Variants in XPO4 observed in about 807,000 individuals in gnomAD.
The protein encoded by XPO4 is exportin 4.
Under a neutral mutation model 143.0 loss-of-function variants are expected in XPO4, and 39 were observed. That is an observed-to-expected ratio of 0.27 (90% CI 0.21 to 0.36). The LOEUF (loss-of-function observed/expected upper bound fraction) is 0.36, where lower values mean the gene tolerates loss of function less well. Among genes scored for constraint, XPO4 ranks in the 10% least tolerant of loss-of-function variants. The probability of loss-of-function intolerance (pLI) is 1.00; values close to 1 mark genes in which losing one functional copy is unlikely to be tolerated. For missense variants in XPO4, 907 were observed against 1,348.0 expected (o/e 0.67, Z 5.12); for synonymous variants, 439 against 474.0 (o/e 0.93, Z 0.96).
At position 20,892,895 on chromosome 13, in the gene XPO4, A is replaced by AT. The variant is rs565367914; in HGVS notation, c.69+9774_69+9775insA. On this transcript the variant is annotated intron_variant, in intron 1 of 22. Coordinates refer to ENST00000255305, the MANE Select transcript of XPO4 (RefSeq NM_022459.5). ...AACTCCAAAAAGTAAAAAATAAAAA[A>AT]AAAAAAATAAAAGAACTACACTGTT... is the stretch of plus-strand genomic sequence containing the variant. Among the ~76,000 whole-genome samples, 18 of 151,848 alleles carry AT rather than the reference A, an allele frequency of 1.2e-4. 1 individual carries two copies. The highest frequency in any genetic ancestry group is 6.2e-4 in the South Asian group (3 of 4,806).
intron 1 of XPO4, among the ~76,000 whole-genome samples, chr13:20,880,438 A>G (rs973089353): frequency 4.6e-5 from 7 of 152,140 alleles, no homozygotes; most frequent in Non-Finnish European, 1.0e-4. Context: ...GTCTCAAAAA[A>G]AAAAGAAAAG....
At chr13:20,813,655 T>A (rs2059611838) in intron 9 of XPO4, among the ~76,000 whole-genome samples, 1 of 152,048 alleles carries the variant, frequency 6.6e-6, no homozygotes, top group Non-Finnish European at 1.5e-5. Context: ...ACTCCTAGGT[T>A]TATACTTTAG....
intron 9 of XPO4, among the ~76,000 whole-genome samples, chr13:20,815,760 G>A (rs527869855): frequency 6.6e-6 from 1 of 152,280 alleles, no homozygotes; most frequent in South Asian, 2.1e-4. Context: ...TATGTCTACA[G>A]AATATCCTTC....
chr13:20,850,902 C>A (rs998635184), intron 4 of XPO4: 30 of 985,244 alleles, frequency 3.0e-5, no homozygotes, highest in Non-Finnish European at 3.6e-5. Context: ...AATTAGTTAT[C>A]TAATTTAATG....
intron 3 of XPO4, among the ~76,000 whole-genome samples, chr13:20,861,246 AC>A (rs1228868145): frequency 6.6e-6 from 1 of 152,084 alleles, no homozygotes; most frequent in Non-Finnish European, 1.5e-5. Context: ...GGGGAACTTA[AC>A]AAAAAAAGGT....
intron 1 of XPO4, among the ~76,000 whole-genome samples, chr13:20,884,421 G>GATCCA (rs890909130): frequency 4.3e-4 from 65 of 152,004 alleles, no homozygotes; most frequent in African/African-American, 1.4e-3. Flanking sequence ...GATCCGATCC[G>GATCCA]ATCCAATCCA....
intron 14 of XPO4, 50 bp from the exon 15 acceptor site, chr13:20,800,375 A>AG: frequency 7.1e-6 from 11 of 1,541,212 alleles, no homozygotes; most frequent in Non-Finnish European, 8.8e-6. Flanking sequence ...GATCAACTCA[A>AG]GAAAAAAAAA....
intron 4 of XPO4, chr13:20,849,677 T>A (rs2060064239): frequency 2.0e-6 from 2 of 984,416 alleles, no homozygotes; most frequent in African/African-American, 3.5e-5. Flanking sequence ...ATAAATTAAC[T>A]AAGAATACAT....
intron 9 of XPO4, among the ~76,000 whole-genome samples, chr13:20,812,971 T>C (rs1215436890): frequency 1.3e-5 from 2 of 152,294 alleles, no homozygotes; most frequent in African/African-American, 4.8e-5. Flanking sequence ...GACTGGGTAA[T>C]TTATGAAGAA....
intron 1 of XPO4, among the ~76,000 whole-genome samples, chr13:20,882,205 G>C: frequency 6.6e-6 from 1 of 151,702 alleles, no homozygotes; most frequent in South Asian, 2.1e-4. Context: ...GCACAAACAT[G>C]AAGCATGATA....
chr13:20,848,794 G>GTATAAT (rs2060054267), intron 4 of XPO4: 1 of 984,910 alleles, frequency 1.0e-6, no homozygotes, highest in Non-Finnish European at 1.2e-6. Context: ...CCTATTTTTT[G>GTATAAT]GTTGTTTATA....
At chr13:20,804,525 C>T (rs1390985584) in intron 13 of XPO4, among the ~76,000 whole-genome samples, 11 of 151,840 alleles carry the variant, frequency 7.2e-5, no homozygotes, top group Non-Finnish European at 1.6e-4. Flanking sequence ...GAAGCCCCCT[C>T]TGGTTCTCCT....
rs2059996822 is a variant in XPO4, at chr13:20,843,425, T to C, written c.573+345A>G. Among the ~76,000 whole-genome samples, 3 of 152,174 alleles carry C rather than the reference T, an allele frequency of 2.0e-5. No homozygotes were observed. The South Asian group carries it at 6.2e-4, about 32-fold the overall frequency. ...AGAGCCCGCACCATCTGCAATAACA[T>C]TTGAAATACACGGCCTTCTGGCATT... On this transcript the variant is annotated intron_variant, in intron 5 of 22. Transcript: ENST00000255305.
chr13:20,878,228 T>G (rs972734211), intron 1 of XPO4, among the ~76,000 whole-genome samples: 2 of 152,134 alleles, frequency 1.3e-5, no homozygotes, highest in African/African-American at 4.8e-5. Flanking sequence ...AAACTGCTAA[T>G]GGTAATATAA....
chr13:20,856,753 A>G (rs1469419980), intron 3 of XPO4: 2 of 809,526 alleles, frequency 2.5e-6, no homozygotes, highest in Non-Finnish European at 3.0e-6. Context: ...ACACACACGC[A>G]CAACTGCAGA....
At chr13:20,891,814 C>T (rs9509422) in intron 1 of XPO4, among the ~76,000 whole-genome samples, 54,793 of 149,138 alleles carry the variant, frequency 0.37, 11,414 homozygotes, top group Non-Finnish European at 0.48. Flanking sequence ...AGTGAGCCGA[C>T]ATCGCACCAC....
chr13:20,902,580 G>A (rs2060632263), intron 1 of XPO4, 90 bp downstream of exon 1: 1 of 1,402,868 alleles, frequency 7.1e-7, no homozygotes, highest in African/African-American at 1.5e-5. Flanking sequence ...GCCCTTGCCA[G>A]TCGCCAGCCC....
chr13:20,854,138 T>C (rs370501532), intron 4 of XPO4, among the ~76,000 whole-genome samples: 10 of 152,284 alleles, frequency 6.6e-5, no homozygotes, highest in East Asian at 1.9e-4. Context: ...CACAAGACCA[T>C]TGATGAATTT....
intron 1 of XPO4, among the ~76,000 whole-genome samples, chr13:20,876,840 A>G (rs2060358226): frequency 6.6e-6 from 1 of 152,180 alleles, no homozygotes; most frequent in African/African-American, 2.4e-5. Context: ...GAGCAGCAGC[A>G]AGATATATTG....
Sources: gnomAD v4.1 joint callset for allele counts (sites outside exome capture counted in the v4.1 genomes callset) on GRCh38, gnomAD v4.1.1 for gene constraint, MANE v1.5 for transcripts, NCBI Gene and HGNC (gene_info 2026-07-23, HGNC 2026-07-21) for gene names.